RAVER2: variants seen among roughly 807,000 people sequenced by gnomAD.
RAVER2 encodes ribonucleoprotein PTB-binding 2.
In RAVER2, 46 loss-of-function variants were observed where a neutral mutation model predicts 78.1. The observed-to-expected ratio is 0.59, with a 90% CI of 0.46 to 0.75. The LOEUF (loss-of-function observed/expected upper bound fraction) is 0.75. Ranked by LOEUF, RAVER2 falls within the 30% of genes least tolerant of loss-of-function variation. The probability of loss-of-function intolerance (pLI) is 0.00; values close to 1 mark genes in which losing one functional copy is unlikely to be tolerated. For missense variants in RAVER2, 793 were observed against 837.5 expected, an observed-to-expected ratio of 0.95 and a Z score of 0.66; for synonymous variants, 311 against 313.3, an observed-to-expected ratio of 0.99 and a Z score of 0.08.
Position 64,781,360 on chromosome 1 carries a change from A to G in RAVER2, c.787-20A>G. 6.5e-7 allele frequency: 1 copy of G among 1,529,274 alleles called. No individual in the cohort carries two copies. Among genetic ancestry groups the G allele is most frequent in the African/African-American group, 1.4e-5 (1 of 72,568 alleles). The allele number at this position is 1,529,274 out of a possible 1,614,324, so 94.7% of individuals were successfully genotyped here. The stretch of plus-strand genomic sequence containing the variant: ...TAAGTAAAGATCGGAATTACTGTTT[A>G]ATAGAATGTATTGTATCAGCTTGCA... On this transcript the variant is annotated intron_variant, in intron 3 of 11. Coordinates refer to ENST00000294428, the Ensembl canonical transcript of RAVER2.
Position 64,752,187 on chromosome 1 carries a change from G to C in RAVER2, c.249+6766G>C, listed in dbSNP as rs569412360. ...CTGTACTGTGGATTGCACCAACAAG[G>C]CTCTCTCTTATCCTCTGTTTTATGG... On this transcript the variant is annotated intron_variant, in intron 1 of 11. Transcript: ENST00000294428. Among the ~76,000 whole-genome samples the C allele has an allele frequency of 4.6e-5, 7 of 152,310 alleles. No individual in the cohort carries two copies. In the South Asian group the frequency reaches 1.4e-3, roughly 32 times the overall value.
intron 10 of RAVER2, among the ~76,000 whole-genome samples, chr1:64,813,279 A>G (rs1301929108): frequency 6.6e-6 from 1 of 152,228 alleles, no homozygotes; most frequent in Non-Finnish European, 1.5e-5. Context: ...AGGCACAAGG[A>G]TGTTCACTGC....
At position 64,777,707 on chromosome 1, in the gene RAVER2, T is replaced by C. The variant is rs946866734; in HGVS notation, c.401T>C (p.Ile134Thr). 5.6e-6 allele frequency: 9 copies of C among 1,613,948 alleles called. No homozygotes were observed. The highest frequency in any genetic ancestry group is 1.3e-5 in the African/African-American group (1 of 74,928). ...TATTCTTTTAGAGGAAAAGACTTAA[T>C]AGTCCAGCTTCAGCCAACAGATGCT... Residue 134 changes from isoleucine (I) to threonine (T), a missense_variant, in exon 3 of 12, where the codon ATA (isoleucine) becomes ACA (threonine). Transcript: ENST00000294428.
chr1:64,785,367 CTTTTTTTTT>C (rs67544814), intron 4 of RAVER2, among the ~76,000 whole-genome samples: 1 of 129,660 alleles, frequency 7.7e-6, no homozygotes, highest in Non-Finnish European at 1.6e-5. Flanking sequence ...CTGTCCCTAA[CTTTTTTTTT>C]TTTTTTTTTT....
At chr1:64,781,245 A>G in intron 3 of RAVER2, 135 bp from the exon 4 acceptor site, 17 of 795,506 alleles carry the variant, frequency 2.1e-5, no homozygotes, top group Non-Finnish European at 2.7e-5. Flanking sequence ...AAACATTTTC[A>G]TAAAGAAAGA....
intron 1 of RAVER2, among the ~76,000 whole-genome samples, chr1:64,756,444 T>A (rs1214298061): frequency 6.6e-6 from 1 of 152,188 alleles, no homozygotes; most frequent in Non-Finnish European, 1.5e-5. Flanking sequence ...CCTACTACCA[T>A]TACTTATTTC....
chr1:64,752,753 G>A (rs1651736229), intron 1 of RAVER2, among the ~76,000 whole-genome samples: 2 of 152,168 alleles, frequency 1.3e-5, no homozygotes, highest in South Asian at 4.1e-4. Context: ...ATACATGATA[G>A]CCCCTTGGTC....
At chr1:64,766,220 G>A (rs1004395480) in intron 1 of RAVER2, among the ~76,000 whole-genome samples, 1 of 152,150 alleles carries the variant, frequency 6.6e-6, no homozygotes, top group Non-Finnish European at 1.5e-5. Context: ...TTCATCAAAG[G>A]TGCTACTTTA....
intron 9 of RAVER2, among the ~76,000 whole-genome samples, chr1:64,810,582 G>C (rs569474132): frequency 6.6e-6 from 1 of 152,210 alleles, no homozygotes; most frequent in South Asian, 2.1e-4. Flanking sequence ...TGAATTCTGG[G>C]GAGACTTAAA....
chr1:64,805,151 G>C, intron 8 of RAVER2, 46 bp downstream of exon 8: 13 of 1,506,336 alleles, frequency 8.6e-6, no homozygotes, highest in Non-Finnish European at 1.2e-5. Context: ...AGTCAGGTTT[G>C]AGATTTAAAG....
intron 4 of RAVER2, 91 bp downstream of exon 4, chr1:64,781,662 G>T (rs1652633120): frequency 8.2e-7 from 1 of 1,221,010 alleles, no homozygotes; most frequent in African/African-American, 1.5e-5. Context: ...GTAATTGATT[G>T]TCGATTGCAC....
In RAVER2 at chr1:64,804,856, T is replaced by G; in HGVS notation, c.1296+18T>G. 2.0e-6 allele frequency: 3 copies of G among 1,531,718 alleles called. No individual in the cohort carries two copies. Among genetic ancestry groups the G allele is most frequent in the Non-Finnish European group, 2.7e-6 (3 of 1,112,322 alleles). The allele number at this position is 1,531,718 out of a possible 1,614,324, so 94.9% of individuals were successfully genotyped here. A position where few individuals can be genotyped will look rare whatever the true frequency, so the allele number is the denominator to read the frequency against. On this transcript the variant is annotated intron_variant, in intron 7 of 11. Coordinates refer to ENST00000294428, the Ensembl canonical transcript of RAVER2. ...CTAATAATGTAAGTATGGTATCATT[T>G]TTTCTTTTAAAATCAGTTCATTTCT...
At chr1:64,802,699 G>A (rs1358122394) in intron 5 of RAVER2, among the ~76,000 whole-genome samples, 1 of 152,180 alleles carries the variant, frequency 6.6e-6, no homozygotes, top group Non-Finnish European at 1.5e-5. Context: ...AAAGGTGGAT[G>A]TGTTTTGTTG....
At chr1:64,812,421 A>G (rs1408046415) in intron 9 of RAVER2, among the ~76,000 whole-genome samples, 1 of 151,634 alleles carries the variant, frequency 6.6e-6, no homozygotes, top group Admixed American at 6.6e-5. Context: ...ACAGACAGAT[A>G]GATAACAGTG....
chr1:64,755,724 GTTTTTT>G (rs753375050), intron 1 of RAVER2, among the ~76,000 whole-genome samples: 6 of 60,634 alleles, frequency 9.9e-5, no homozygotes, highest in African/African-American at 1.4e-4. Flanking sequence ...ATGCTTCATA[GTTTTTT>G]TTTTTTTTTT....
intron 4 of RAVER2, among the ~76,000 whole-genome samples, chr1:64,789,022 A>G (rs902729494): frequency 6.6e-6 from 1 of 152,106 alleles, no homozygotes; most frequent in African/African-American, 2.4e-5. Context: ...TAAACTTTAA[A>G]TCAACATTAT....
chr1:64,829,309 T>TC (rs745924980), intron 11 of RAVER2, among the ~76,000 whole-genome samples: 1 of 152,052 alleles, frequency 6.6e-6, no homozygotes, highest in Non-Finnish European at 1.5e-5. Flanking sequence ...GCAGTCTGCT[T>TC]CCCTCCCCCA....
At chr1:64,810,335 A>AAG (rs776520666) in intron 9 of RAVER2, among the ~76,000 whole-genome samples, 49 of 152,288 alleles carry the variant, frequency 3.2e-4, no homozygotes, top group Non-Finnish European at 3.4e-4. Context: ...TGGGAATTCT[A>AAG]AGAGAAGGTG....
chr1:64,777,852 C>T (rs750833673), exon 3 of RAVER2: 1 of 1,613,930 alleles, frequency 6.2e-7, no homozygotes, highest in Non-Finnish European at 8.5e-7. Flanking sequence ...CTGGCCATTC[C>T]AAAGGCTATG....
Sources: gnomAD v4.1 joint callset for allele counts (sites outside exome capture counted in the v4.1 genomes callset) on GRCh38, gnomAD v4.1.1 for gene constraint, MANE v1.5 for transcripts, NCBI Gene and HGNC (gene_info 2026-07-23, HGNC 2026-07-21) for gene names.